Variants in FAM13C observed in about 807,000 individuals in gnomAD.
FAM13C encodes the protein protein FAM13C.
In FAM13C, 37 loss-of-function variants were observed where a neutral mutation model predicts 73.2. That is an observed-to-expected ratio of 0.51 (90% CI 0.39 to 0.67). The LOEUF (loss-of-function observed/expected upper bound fraction) is 0.67, where lower values mean the gene tolerates loss of function less well. FAM13C is among the 30% of genes least tolerant of loss of function. The pLI, the probability that FAM13C is intolerant of heterozygous loss-of-function variation, is 0.00. For missense variants in FAM13C, 589 were observed against 715.6 expected (o/e 0.82, Z 2.02); for synonymous variants, 246 against 260.9 (o/e 0.94, Z 0.55).
chr10:59,263,987 G>A, intron 9 of FAM13C, 98 bp downstream of exon 9: 1 of 1,076,370 alleles, frequency 9.3e-7, no homozygotes, highest in East Asian at 2.4e-5. Flanking sequence ...AGGTGCAAGA[G>A]GGCACAGGTG....
At position 59,268,672 on chromosome 10, in the gene FAM13C, A is replaced by G. The variant is rs761327140; in HGVS notation, c.823T>C (p.Cys275Arg). Residue 275 changes from cysteine (C) to arginine (R), a missense_variant, in exon 8 of 14, where the codon TGC becomes CGC. Physicochemically the swap from Cys to Arg is radical, Grantham distance 180. Coordinates refer to ENST00000618804, the MANE Select transcript of FAM13C (RefSeq NM_198215.4). ...QFMMPRSSSR[C>R]SCGDGKEPQT... ...GGCTCCTTGCCATCTCCACAGCTGC[A>G]GCGTGAAGAACTCCGCGGCCTGCAG... 6.2e-7 allele frequency: 1 copy of G among 1,612,812 alleles called. No homozygotes were observed.
intron 6 of FAM13C, among the ~76,000 whole-genome samples, chr10:59,273,350 A>T (rs1158267189): frequency 6.6e-6 from 1 of 152,172 alleles, no homozygotes; most frequent in African/African-American, 2.4e-5. Context: ...ATTATTATTA[A>T]TATAAGAAAG....
chr10:59,336,252 AT>A (rs1216891957), intron 3 of FAM13C, among the ~76,000 whole-genome samples: 1 of 152,116 alleles, frequency 6.6e-6, no homozygotes, highest in Non-Finnish European at 1.5e-5. Flanking sequence ...CCCTAATATT[AT>A]TGTTTTTTAT....
intron 8 of FAM13C, among the ~76,000 whole-genome samples, chr10:59,267,939 T>A (rs921684803): frequency 6.6e-6 from 1 of 152,138 alleles, no homozygotes. Context: ...TATGACCCTA[T>A]TGTTTCTTAC....
chr10:59,340,740 A>G (rs183240161), intron 3 of FAM13C, among the ~76,000 whole-genome samples: 148 of 152,176 alleles, frequency 9.7e-4, no homozygotes, highest in African/African-American at 3.4e-3. Context: ...AATAAAATAT[A>G]AAAGGAAATA....
rs544923072 is a variant in FAM13C at position 59,247,354 on chromosome 10, T to C, written c.*260A>G. 4.0e-4 allele frequency: 170 copies of C among 425,764 alleles called. 1 individual carries two copies. The South Asian group carries it at 4.9e-3, about 12-fold the overall frequency. The allele number at this position is 425,764 out of a possible 1,614,324, so 26.4% of individuals were successfully genotyped here. Reference sequence around the variant, plus strand: ...TATTAGACATTTTTAAAAATACTTGTATTGACTATGAGTTTTCTGCTTGGC... The same window carrying C: ...TATTAGACATTTTTAAAAATACTTGCATTGACTATGAGTTTTCTGCTTGGC... On this transcript the variant is annotated 3_prime_UTR_variant, in exon 14 of 14. Transcript: ENST00000618804.
intron 1 of FAM13C, among the ~76,000 whole-genome samples, chr10:59,356,746 G>A (rs1053390210): frequency 6.6e-6 from 1 of 152,154 alleles, no homozygotes; most frequent in African/African-American, 2.4e-5. Flanking sequence ...AAGATGCCAA[G>A]TGTCATTCCT....
At chr10:59,262,062 T>C (rs1842554103) in intron 10 of FAM13C, among the ~76,000 whole-genome samples, 1 of 152,178 alleles carries the variant, frequency 6.6e-6, no homozygotes, top group Admixed American at 6.5e-5. Flanking sequence ...TTATTTTTAA[T>C]AAGACATAAG....
chr10:59,266,025 A>G (rs532672119), intron 8 of FAM13C, among the ~76,000 whole-genome samples: 2 of 152,332 alleles, frequency 1.3e-5, no homozygotes, highest in Non-Finnish European at 2.9e-5. Context: ...TCTGCCAAAG[A>G]TGGTTCAAAA....
intron 5 of FAM13C, among the ~76,000 whole-genome samples, chr10:59,297,896 G>C (rs932027183): frequency 3.1e-5 from 3 of 96,008 alleles, no homozygotes; most frequent in Non-Finnish European, 7.4e-5. Flanking sequence ...TTTTACTCTG[G>C]GGACAAAAAA....
At chr10:59,256,081 A>G (rs993561288) in intron 10 of FAM13C, among the ~76,000 whole-genome samples, 3 of 152,098 alleles carry the variant, frequency 2.0e-5, no homozygotes, top group Non-Finnish European at 4.4e-5. Flanking sequence ...TAACCTCAAG[A>G]TCTTTTCATT....
intron 10 of FAM13C, 27 bp from the exon 11 acceptor site, chr10:59,254,470 T>C: frequency 1.5e-6 from 2 of 1,332,864 alleles, no homozygotes; most frequent in Non-Finnish European, 2.0e-6. Context: ...TAATTATTAT[T>C]CCTCTCTCAG....
chr10:59,362,586 T>G, upstream of FAM13C: 3 of 1,522,092 alleles, frequency 2.0e-6, no homozygotes, highest in Non-Finnish European at 2.6e-6. Flanking sequence ...CTTGGGCTGC[T>G]GTCTGCACAT....
chr10:59,335,596 C>A (rs558787014), intron 3 of FAM13C, among the ~76,000 whole-genome samples: 82 of 152,256 alleles, frequency 5.4e-4, no homozygotes, highest in African/African-American at 2.0e-3. Flanking sequence ...CAAAATTTCA[C>A]CAGGTGAATG....
chr10:59,292,823 T>G (rs1846422268), intron 5 of FAM13C, among the ~76,000 whole-genome samples: 1 of 152,210 alleles, frequency 6.6e-6, no homozygotes, highest in Admixed American at 6.5e-5. Flanking sequence ...CTCAAATATT[T>G]ACCATTTGCT....
intron 7 of FAM13C, among the ~76,000 whole-genome samples, chr10:59,269,638 T>C (rs1367229340): frequency 5.3e-5 from 8 of 152,208 alleles, no homozygotes; most frequent in Non-Finnish European, 2.9e-5. Context: ...CTTAAGATTC[T>C]GGTCATTTCA....
At chr10:59,271,949 G>T (rs560220426) in intron 6 of FAM13C, among the ~76,000 whole-genome samples, 1 of 152,096 alleles carries the variant, frequency 6.6e-6, no homozygotes, top group African/African-American at 2.4e-5. Flanking sequence ...AACTAACAAG[G>T]TCTCTTACTG....
At chr10:59,263,905 CA>C in intron 9 of FAM13C, 179 bp downstream of exon 9, 1 of 601,192 alleles carries the variant, frequency 1.7e-6, no homozygotes, top group South Asian at 2.0e-5. Context: ...AGGTTTATTA[CA>C]TGGGGCCAAA....
intron 7 of FAM13C, 100 bp from the exon 8 acceptor site, chr10:59,268,791 T>C: frequency 1.4e-6 from 2 of 1,414,194 alleles, no homozygotes; most frequent in South Asian, 1.4e-5. Context: ...GTCAGAGAAG[T>C]CCAGAGGGAA....
Sources: gnomAD v4.1 joint callset for allele counts (sites outside exome capture counted in the v4.1 genomes callset) on GRCh38, gnomAD v4.1.1 for gene constraint, MANE v1.5 for transcripts, NCBI Gene and HGNC (gene_info 2026-07-23, HGNC 2026-07-21) for gene names.